BRINP3: variants seen among roughly 807,000 people sequenced by gnomAD.
BRINP3 encodes the protein BMP/retinoic acid-inducible neural-specific protein 3.
Under a neutral mutation model 71.0 loss-of-function variants are expected in BRINP3, and 19 were observed. The ratio of observed to expected loss-of-function variants is 0.27; its 90% CI spans 0.19 to 0.39. The LOEUF is 0.39. Among genes scored for constraint, BRINP3 ranks in the 10% least tolerant of loss-of-function variants. The probability of loss-of-function intolerance (pLI) is 1.00; values close to 1 mark genes in which losing one functional copy is unlikely to be tolerated. For missense variants in BRINP3, 959 were observed against 940.8 expected (o/e 1.02, Z -0.25); for synonymous variants, 380 against 337.7 (o/e 1.13, Z -1.37).
chr1:190,255,236 C>CTTTTTTTTTTTTTTTTTTTTTTTTT (rs201421106), intron 4 of BRINP3, among the ~76,000 whole-genome samples: 1 of 134,620 alleles, frequency 7.4e-6, no homozygotes, highest in Non-Finnish European at 1.6e-5. Context: ...AAAATTCTCT[C>CTTTTTTTTTTTTTTTTTTTTTTTTT]TTTTTTTTTT....
chr1:190,297,221 C>A (rs1295045720), intron 2 of BRINP3, among the ~76,000 whole-genome samples: 1 of 151,712 alleles, frequency 6.6e-6, no homozygotes, highest in Admixed American at 6.6e-5. Context: ...ATAGAGAGGC[C>A]AGAATAAACC....
chr1:190,300,359 G>A (rs1369381759), intron 2 of BRINP3, among the ~76,000 whole-genome samples: 3 of 152,034 alleles, frequency 2.0e-5, no homozygotes, highest in Non-Finnish European at 4.4e-5. Flanking sequence ...TGAGGCTTCT[G>A]CATTCTTCAC....
chr1:190,283,983 A>G (rs1663234440), intron 2 of BRINP3, among the ~76,000 whole-genome samples: 1 of 151,952 alleles, frequency 6.6e-6, no homozygotes, highest in African/African-American at 2.4e-5. Context: ...AGATTAAGAT[A>G]CAATCTAAGT....
chr1:190,129,030 C>A (rs1480426046), intron 7 of BRINP3, among the ~76,000 whole-genome samples: 1 of 151,666 alleles, frequency 6.6e-6, no homozygotes, highest in Admixed American at 6.6e-5. Flanking sequence ...CAAAGTCTAC[C>A]ATGTATATAC....
intron 7 of BRINP3, among the ~76,000 whole-genome samples, chr1:190,117,230 T>C (rs1653219529): frequency 6.6e-6 from 1 of 152,018 alleles, no homozygotes; most frequent in Admixed American, 6.6e-5. Flanking sequence ...GTTAACTTTC[T>C]ATAAGAAGCT....
rs746851050 is a variant in BRINP3 at position 190,277,113 on chromosome 1, A to ATATATATATATATATATATT, written c.427+4446_427+4447insAATATATATATATATATATA. On this transcript the variant is annotated intron_variant, in intron 3 of 7. Transcript: ENST00000367462. ...TATATATATATATATATATATATAT[A>ATATATATATATATATATATT]TATATTTATATTCAGAAAAGAAAAC... Among the ~76,000 whole-genome samples, 742 of 107,206 alleles carry ATATATATATATATATATATT rather than the reference A, an allele frequency of 6.9e-3. 11 individuals are homozygous for ATATATATATATATATATATT. The highest frequency in any genetic ancestry group is 0.015 in the South Asian group (38 of 2,584). 70.3% of individuals were successfully genotyped at this position (107,206 alleles called of 152,430 possible). A position where few individuals can be genotyped will look rare whatever the true frequency, so the allele number is the denominator to read the frequency against.
intron 4 of BRINP3, among the ~76,000 whole-genome samples, chr1:190,259,136 G>A (rs1485860347): frequency 1.3e-5 from 2 of 151,666 alleles, no homozygotes; most frequent in Non-Finnish European, 2.9e-5. Context: ...AATATTTCCC[G>A]ATTCCTTTTA....
At chr1:190,352,913 A>G (rs1462262906) in intron 2 of BRINP3, among the ~76,000 whole-genome samples, 1 of 151,724 alleles carries the variant, frequency 6.6e-6, no homozygotes, top group Admixed American at 6.6e-5. Context: ...TGGAATTCAT[A>G]GCTATGAAAG....
At chr1:190,257,557 C>G (rs1001192333) in intron 4 of BRINP3, among the ~76,000 whole-genome samples, 3 of 152,142 alleles carry the variant, frequency 2.0e-5, no homozygotes, top group South Asian at 2.1e-4. Flanking sequence ...AGAAGAGGTG[C>G]TCTGGTTTTC....
intron 2 of BRINP3, among the ~76,000 whole-genome samples, chr1:190,388,157 G>A (rs1447812573): frequency 2.0e-5 from 3 of 151,808 alleles, no homozygotes; most frequent in Non-Finnish European, 4.4e-5. Context: ...CCTTCTCTGA[G>A]TGAGTTACCC....
intron 6 of BRINP3, among the ~76,000 whole-genome samples, chr1:190,220,561 A>G (rs114483938): frequency 0.015 from 2,335 of 152,198 alleles, 73 homozygotes; most frequent in African/African-American, 0.053. Context: ...AAAGAAGCAA[A>G]TAACATAAAA....
chr1:190,129,360 T>A (rs1424929525), intron 7 of BRINP3, among the ~76,000 whole-genome samples: 1 of 151,938 alleles, frequency 6.6e-6, no homozygotes, highest in Non-Finnish European at 1.5e-5. Flanking sequence ...TATTGTCTAC[T>A]AGATTAAGAG....
chr1:190,305,916 A>C (rs531054542), intron 2 of BRINP3, among the ~76,000 whole-genome samples: 57 of 152,006 alleles, frequency 3.7e-4, no homozygotes, highest in African/African-American at 1.3e-3. Flanking sequence ...AATATGTACA[A>C]TTATGTGTTA....
intron 2 of BRINP3, among the ~76,000 whole-genome samples, chr1:190,439,328 T>G: frequency 6.6e-6 from 1 of 151,910 alleles, no homozygotes; most frequent in East Asian, 1.9e-4. Flanking sequence ...ATTAATATAA[T>G]GTTTTTTTAT....
At chr1:190,286,863 A>G (rs1663464212) in intron 2 of BRINP3, among the ~76,000 whole-genome samples, 1 of 152,112 alleles carries the variant, frequency 6.6e-6, no homozygotes. Context: ...AATGGCACTA[A>G]TGTCAATATT....
intron 2 of BRINP3, among the ~76,000 whole-genome samples, chr1:190,447,248 T>TGATA (rs546084037): frequency 6.7e-6 from 1 of 149,308 alleles, no homozygotes; most frequent in Non-Finnish European, 1.5e-5. Context: ...TAGTATGGAT[T>TGATA]GATAGATAGA....
chr1:190,386,433 T>G lies in BRINP3; in HGVS notation c.236+68222A>C, dbSNP rs79357954. 4.2e-3 allele frequency among the ~76,000 whole-genome samples: 643 copies of G among 151,772 alleles called. 6 individuals are homozygous for G. Among genetic ancestry groups the G allele is most frequent in the African/African-American group, 0.014 (598 of 41,500 alleles). On this transcript the variant is annotated intron_variant, in intron 2 of 7. Transcript: ENST00000367462. ...ACCAGATTTTAAAAAAATGTATATA[T>G]TAATAATTAAGTTTTATTATTTTAA... is the stretch of plus-strand genomic sequence containing the variant.
At chr1:190,114,057 G>A (rs1423552846) in intron 7 of BRINP3, among the ~76,000 whole-genome samples, 1 of 152,170 alleles carries the variant, frequency 6.6e-6, no homozygotes, top group Non-Finnish European at 1.5e-5. Context: ...GTTATCCTCA[G>A]TGTTAGGGTT....
At chr1:190,218,132 C>T (rs1009904224) in intron 6 of BRINP3, among the ~76,000 whole-genome samples, 6 of 151,566 alleles carry the variant, frequency 4.0e-5, no homozygotes, top group African/African-American at 7.3e-5. Context: ...ACCATATAGC[C>T]GGGCTCCTAG....
Sources: allele counts gnomAD v4.1 joint callset (sites outside exome capture counted in the v4.1 genomes callset), GRCh38; gene constraint gnomAD v4.1.1; transcripts MANE v1.5; gene names NCBI Gene and HGNC (gene_info 2026-07-23, HGNC 2026-07-21).